Variants in USP47 observed in about 807,000 individuals in gnomAD.
The protein encoded by USP47 is ubiquitin carboxyl-terminal hydrolase 47.
A neutral mutation model predicts 165.1 loss-of-function variants in USP47; 35 were observed. That is an observed-to-expected ratio of 0.21 (90% confidence interval 0.16 to 0.28). USP47 has a LOEUF of 0.28. Among genes scored for constraint, USP47 ranks in the 10% least tolerant of loss-of-function variants. The pLI is 1.00. For missense variants in USP47, 1,277 were observed against 1,607.4 expected, an observed-to-expected ratio of 0.79 and a Z score of 3.52; for synonymous variants, 531 against 544.5, an observed-to-expected ratio of 0.98 and a Z score of 0.35.
intron 11 of USP47, among the ~76,000 whole-genome samples, chr11:11,924,914 C>G (rs1854122432): frequency 6.6e-6 from 1 of 151,836 alleles, no homozygotes; most frequent in African/African-American, 2.4e-5. Context: ...TCCAAAGGAC[C>G]AGCTTTTGGT....
At chr11:11,855,909 A>T (rs1849012181) in intron 1 of USP47, among the ~76,000 whole-genome samples, 1 of 152,224 alleles carries the variant, frequency 6.6e-6, no homozygotes, top group Admixed American at 6.5e-5. Flanking sequence ...GAAGAGACAA[A>T]CAGGTGACCA....
At chr11:11,949,295 T>TTA (rs965558771) in intron 22 of USP47, among the ~76,000 whole-genome samples, 1 of 152,164 alleles carries the variant, frequency 6.6e-6, no homozygotes, top group African/African-American at 2.4e-5. Flanking sequence ...TTTCAGAATG[T>TTA]TATAACATCC....
At chr11:11,953,788 T>C (rs1856374085) in intron 25 of USP47, among the ~76,000 whole-genome samples, 1 of 152,214 alleles carries the variant, frequency 6.6e-6, no homozygotes, top group Non-Finnish European at 1.5e-5. Context: ...CTTAAATTGG[T>C]GAAGATTTAG....
At chr11:11,871,501 CAAAAAAAAAAAAAAAAAAAA>C (rs71037046) in intron 1 of USP47, among the ~76,000 whole-genome samples, 36 of 63,152 alleles carry the variant, frequency 5.7e-4, no homozygotes, top group South Asian at 7.5e-4. Flanking sequence ...AACTCCCTCT[CAAAAAAAAAAAAAAAAAAAA>C]AAAAAAAAAA....
chr11:11,896,295 T>C (rs1851842204), intron 4 of USP47, among the ~76,000 whole-genome samples: 1 of 152,192 alleles, frequency 6.6e-6, no homozygotes, highest in Non-Finnish European at 1.5e-5. Context: ...AAACAAGTGA[T>C]ACATGATTGA....
chr11:11,934,397 C>G (rs1854903800), intron 16 of USP47, among the ~76,000 whole-genome samples: 1 of 152,010 alleles, frequency 6.6e-6, no homozygotes, highest in Non-Finnish European at 1.5e-5. Flanking sequence ...TATTTAGATG[C>G]TATAAATACA....
chr11:11,919,256 A>G (rs535264717), intron 8 of USP47, among the ~76,000 whole-genome samples: 8 of 152,100 alleles, frequency 5.3e-5, no homozygotes, highest in African/African-American at 1.9e-4. Flanking sequence ...AGCTTGTCCT[A>G]TATCAAAAGA....
At chr11:11,843,759 G>C (rs1446148108) in intron 1 of USP47, among the ~76,000 whole-genome samples, 1 of 152,160 alleles carries the variant, frequency 6.6e-6, no homozygotes, top group African/African-American at 2.4e-5. Context: ...AACATGATAT[G>C]ATAATAGATA....
chr11:11,868,218 G>GA (rs1849808607), intron 1 of USP47, among the ~76,000 whole-genome samples: 1 of 152,160 alleles, frequency 6.6e-6, no homozygotes, highest in South Asian at 2.1e-4. Context: ...ACGTGATATA[G>GA]TCAAGATATA....
At chr11:11,879,444 A>G (rs1222352899) in intron 1 of USP47, among the ~76,000 whole-genome samples, 1 of 152,102 alleles carries the variant, frequency 6.6e-6, no homozygotes, top group Non-Finnish European at 1.5e-5. Flanking sequence ...TGGAAAGTGG[A>G]AAAGTGGTGT....
At chr11:11,926,557 CTT>C (rs1483928561) in intron 11 of USP47, among the ~76,000 whole-genome samples, 1 of 151,764 alleles carries the variant, frequency 6.6e-6, no homozygotes, top group Non-Finnish European at 1.5e-5. Context: ...TTATTTGAGT[CTT>C]TTCTCTTTCT....
At chr11:11,849,938 G>T (rs1272790441) in intron 1 of USP47, among the ~76,000 whole-genome samples, 1 of 152,122 alleles carries the variant, frequency 6.6e-6, no homozygotes, top group Non-Finnish European at 1.5e-5. Context: ...AATTTTGAAG[G>T]CATTGCTCTA....
At position 11,948,558 on chromosome 11, in the gene USP47, GGTAA is replaced by G. The variant is rs1856003788; in HGVS notation, c.3348+5_3348+8del. ...ACCAGCTTTTGGTCAATGAACAAGA[GGTAA>G]GTAATACGTTTAAGAATAATATAAG... On this transcript the variant is annotated splice_donor_variant and splice_donor_region_variant and intron_variant, in intron 22 of 27. Coordinates refer to ENST00000527733, the MANE Select transcript of USP47 (RefSeq NM_001282659.2). LOFTEE classifies it high-confidence loss of function. 1 of 1,603,598 alleles carries G rather than the reference GGTAA, an allele frequency of 6.2e-7. No individual in the cohort carries two copies. Among genetic ancestry groups the G allele is most frequent in the Non-Finnish European group, 8.5e-7 (1 of 1,171,086 alleles).
Position 11,854,479 on chromosome 11 carries a change from G to A in USP47, c.39+12255G>A, listed in dbSNP as rs563276154. Among the ~76,000 whole-genome samples, 16 of 146,710 alleles carry A rather than the reference G, an allele frequency of 1.1e-4. 3 individuals carry two copies. Among genetic ancestry groups the A allele is most frequent in the Non-Finnish European group, 2.4e-4 (16 of 65,472 alleles). On this transcript the variant is annotated intron_variant, in intron 1 of 27. Transcript: ENST00000527733. ...TTAAATGAGTTAATACATGTAATGT[G>A]TCATGCACACAATAAGCTATCAATA...
intron 21 of USP47, 69 bp downstream of exon 21, chr11:11,948,189 A>G (rs1373458013): frequency 1.4e-5 from 21 of 1,498,428 alleles, no homozygotes; most frequent in Admixed American, 2.3e-5. Flanking sequence ...AGCTTTTACT[A>G]CTTCCAAGTG....
chr11:11,921,166 T>C (rs1853807942), intron 10 of USP47, among the ~76,000 whole-genome samples: 1 of 151,764 alleles, frequency 6.6e-6, no homozygotes. Context: ...TTTTATTATG[T>C]GGAATACTTA....
At chr11:11,862,427 G>GTT (rs34797177) in intron 1 of USP47, among the ~76,000 whole-genome samples, 3 of 151,972 alleles carry the variant, frequency 2.0e-5, no homozygotes, top group African/African-American at 4.8e-5. Context: ...TACATTGTGG[G>GTT]TTTTTTCATG....
chr11:11,860,646 G>C (rs1849327916), intron 1 of USP47, among the ~76,000 whole-genome samples: 1 of 152,120 alleles, frequency 6.6e-6, no homozygotes. Context: ...CTATAAACAA[G>C]TCAGTTATTT....
At chr11:11,891,853 C>T in intron 3 of USP47, 115 bp from the exon 4 acceptor site, 1 of 1,319,884 alleles carries the variant, frequency 7.6e-7, no homozygotes, top group Non-Finnish European at 1.0e-6. Flanking sequence ...GCATGAGCAC[C>T]TTTCCAGAGT....
Sources: gnomAD v4.1 joint callset for allele counts (sites outside exome capture counted in the v4.1 genomes callset) on GRCh38, gnomAD v4.1.1 for gene constraint, MANE v1.5 for transcripts, NCBI Gene and HGNC (gene_info 2026-07-23, HGNC 2026-07-21) for gene names.